The following PTPRT variants were observed in gnomAD, a reference collection of about 807,000 sequenced individuals.
PTPRT encodes the protein receptor-type tyrosine-protein phosphatase T.
Under a neutral mutation model 176.8 loss-of-function variants are expected in PTPRT, and 56 were observed. The observed-to-expected ratio is 0.32, with a 90% CI of 0.26 to 0.40. The LOEUF (loss-of-function observed/expected upper bound fraction) is 0.40. Among genes scored for constraint, PTPRT ranks in the 10% least tolerant of loss-of-function variants. The pLI, the probability that PTPRT is intolerant of heterozygous loss-of-function variation, is 1.00. For missense variants in PTPRT, 1,540 were observed against 1,908.2 expected (o/e 0.81, Z 3.60); for synonymous variants, 783 against 739.0 (o/e 1.06, Z -0.96).
the PTPRT span, among the ~76,000 whole-genome samples, chr20:42,067,466 G>A: frequency 1.4e-5 from 1 of 73,424 alleles, no homozygotes; most frequent in Non-Finnish European, 2.6e-5. Flanking sequence ...ATGGATCCCA[G>A]ATCCACATAC....
chr20:42,177,576 T>C (rs1181923951), intron 16 of PTPRT, among the ~76,000 whole-genome samples: 1 of 152,216 alleles, frequency 6.6e-6, no homozygotes, highest in East Asian at 1.9e-4. Context: ...AATGCCAAAC[T>C]ACTTTGTTTT....
At chr20:42,102,019 G>C (rs2425474) in intron 26 of PTPRT, 105 bp downstream of exon 26, 215 of 1,345,586 alleles carry the variant, frequency 1.6e-4, no homozygotes, top group Admixed American at 6.1e-4. Flanking sequence ...AAGCAGGGGG[G>C]GCTGGCTGGT....
At chr20:42,767,787 CATAA>C (rs917158581) in intron 5 of PTPRT, among the ~76,000 whole-genome samples, 9 of 144,124 alleles carry the variant, frequency 6.2e-5, no homozygotes, top group African/African-American at 2.3e-4. Flanking sequence ...ATATTTTAAA[CATAA>C]ATATATTACA....
At chr20:42,761,923 C>G (rs551280855) in intron 5 of PTPRT, among the ~76,000 whole-genome samples, 63 of 152,296 alleles carry the variant, frequency 4.1e-4, no homozygotes, top group Non-Finnish European at 8.5e-4. Context: ...AAACAGTACA[C>G]AGCTACACTT....
intron 1 of PTPRT, among the ~76,000 whole-genome samples, chr20:43,174,546 T>C (rs1170246137): frequency 1.3e-5 from 2 of 152,244 alleles, no homozygotes; most frequent in Non-Finnish European, 2.9e-5. Context: ...GTCCCTGTTA[T>C]TATCGCCCAT....
intron 6 of PTPRT, among the ~76,000 whole-genome samples, chr20:42,717,924 A>C (rs1022793953): frequency 6.6e-6 from 1 of 152,232 alleles, no homozygotes; most frequent in African/African-American, 2.4e-5. Flanking sequence ...AAGGTTGCTC[A>C]ATTTCACTAG....
chr20:42,832,602 A>G (rs1233466224), intron 2 of PTPRT, among the ~76,000 whole-genome samples: 2 of 152,004 alleles, frequency 1.3e-5, no homozygotes, highest in Admixed American at 6.6e-5. Context: ...TCCAAGAACC[A>G]AGATAACTAT....
chr20:42,738,126 T>C (rs893629854), intron 6 of PTPRT, among the ~76,000 whole-genome samples: 8 of 152,166 alleles, frequency 5.3e-5, no homozygotes, highest in African/African-American at 1.9e-4. Context: ...GGGATCTGAA[T>C]ACAAGTCATC....
intron 7 of PTPRT, among the ~76,000 whole-genome samples, chr20:42,595,691 C>A (rs1311563799): frequency 6.6e-6 from 1 of 152,156 alleles, no homozygotes; most frequent in Non-Finnish European, 1.5e-5. Context: ...GGCAGCATTT[C>A]TTCATTTCAG....
intron 6 of PTPRT, among the ~76,000 whole-genome samples, chr20:42,729,789 A>G (rs1023483159): frequency 4.6e-5 from 7 of 152,138 alleles, no homozygotes; most frequent in African/African-American, 1.7e-4. Flanking sequence ...CCATGAAATC[A>G]TAGATAACCT....
intron 17 of PTPRT, among the ~76,000 whole-genome samples, chr20:42,155,037 G>A (rs576657594): frequency 6.6e-5 from 10 of 152,158 alleles, no homozygotes; most frequent in Non-Finnish European, 1.5e-4. Context: ...GGACTCCATG[G>A]GTTTTCTTAG....
chr20:42,305,103 A>G (rs1287115860), intron 12 of PTPRT, among the ~76,000 whole-genome samples: 1 of 152,186 alleles, frequency 6.6e-6, no homozygotes, highest in Non-Finnish European at 1.5e-5. Flanking sequence ...TTGTAATCCC[A>G]GCACTTTGGG....
intron 7 of PTPRT, among the ~76,000 whole-genome samples, chr20:42,579,582 CTT>C (rs1424135462): frequency 6.6e-6 from 1 of 152,144 alleles, no homozygotes; most frequent in Non-Finnish European, 1.5e-5. Flanking sequence ...TGTTTCCTGA[CTT>C]TTTAATGATG....
intron 1 of PTPRT, among the ~76,000 whole-genome samples, chr20:42,895,581 C>A (rs908258969): frequency 3.3e-5 from 5 of 152,144 alleles, no homozygotes; most frequent in African/African-American, 1.2e-4. Flanking sequence ...GAATCCCACC[C>A]ATCACAGGGG....
the PTPRT span, among the ~76,000 whole-genome samples, chr20:42,042,197 A>T: frequency 1.2e-3 from 185 of 152,316 alleles, 2 homozygotes; most frequent in African/African-American, 4.3e-3. Context: ...AGCAGGGAGA[A>T]TGGCTCACTG....
chr20:42,044,212 C>T, the PTPRT span, among the ~76,000 whole-genome samples: 1 of 152,256 alleles, frequency 6.6e-6, no homozygotes, highest in Non-Finnish European at 1.5e-5. Flanking sequence ...CAGTTGGACT[C>T]TGTGGGCAGC....
rs1204174936 is a variant in PTPRT, at chr20:42,364,708, T to C, written c.1561-12423A>G. On this transcript the variant is annotated intron_variant, in intron 9 of 30. Coordinates refer to ENST00000373187, the MANE Select transcript of PTPRT (RefSeq NM_007050.6). ...CTGATGAAATGGGTCATCTGGGGAC[T>C]CTACGTTCTCCTATTCTGCAGTGAC... is the stretch of plus-strand genomic sequence containing the variant. Among the ~76,000 whole-genome samples the C allele has an allele frequency of 2.0e-5, 3 of 152,178 alleles. No homozygotes were observed. In the East Asian group the frequency reaches 5.8e-4, roughly 29 times the overall value.
At chr20:42,859,654 G>A (rs1377838418) in intron 2 of PTPRT, among the ~76,000 whole-genome samples, 3 of 145,522 alleles carry the variant, frequency 2.1e-5, no homozygotes, top group Non-Finnish European at 4.5e-5. Flanking sequence ...CACGATCTTG[G>A]CTCACTGCAA....
chr20:42,063,001 G>A, the PTPRT span, among the ~76,000 whole-genome samples: 1 of 152,120 alleles, frequency 6.6e-6, no homozygotes, highest in African/African-American at 2.4e-5. Flanking sequence ...TGTCTGTTTG[G>A]GGTTATAAAG....
Sources: gnomAD v4.1 joint callset for allele counts (sites outside exome capture counted in the v4.1 genomes callset) on GRCh38, gnomAD v4.1.1 for gene constraint, MANE v1.5 for transcripts, NCBI Gene and HGNC (gene_info 2026-07-23, HGNC 2026-07-21) for gene names.